HDAC9: variants seen among roughly 807,000 people sequenced by gnomAD.
The protein encoded by HDAC9 is MEF-2 interacting transcription repressor (MITR) protein.
Under a neutral mutation model 139.4 loss-of-function variants are expected in HDAC9, and 41 were observed. The ratio of observed to expected loss-of-function variants is 0.29; its 90% CI spans 0.23 to 0.38. The LOEUF is 0.38. Among genes scored for constraint, HDAC9 ranks in the 10% least tolerant of loss-of-function variants. The pLI is 1.00. For missense variants in HDAC9, 1,147 were observed against 1,297.0 expected (o/e 0.88, Z 1.78); for synonymous variants, 517 against 476.2 (o/e 1.09, Z -1.12).
Position 18,450,592 on chromosome 7 carries a change from C to T in HDAC9, c.-41-45670C>T, listed in dbSNP as rs569428901. On this transcript the variant is annotated intron_variant, in intron 1 of 3. Coordinates refer to the HDAC9 transcript ENST00000413509. ...TTATTGATATTGTTCTTCTCTTAGC[C>T]ACATGTGAACACATTTGATTGAGAC... 2.1e-3 allele frequency among the ~76,000 whole-genome samples: 323 copies of T among 152,230 alleles called. 1 individual carries two copies. The highest frequency in any genetic ancestry group is 3.8e-3 in the Non-Finnish European group (258 of 68,004).
chr7:18,216,573 A>C (rs1372067173), intron 2 of HDAC9, among the ~76,000 whole-genome samples: 1 of 152,170 alleles, frequency 6.6e-6, no homozygotes. Flanking sequence ...AGATGACTGC[A>C]TGTTATTTAG....
intron 11 of HDAC9, among the ~76,000 whole-genome samples, chr7:18,662,376 A>T (rs1793477317): frequency 6.6e-6 from 1 of 152,030 alleles, no homozygotes. Context: ...AACTCAAGAA[A>T]TTTTATTGTG....
At chr7:18,836,278 T>C (rs956376262) in intron 21 of HDAC9, among the ~76,000 whole-genome samples, 1 of 152,212 alleles carries the variant, frequency 6.6e-6, no homozygotes, top group Non-Finnish European at 1.5e-5. Flanking sequence ...TTTTAACATA[T>C]GATGTGGTTT....
intron 2 of HDAC9, among the ~76,000 whole-genome samples, chr7:18,200,077 A>C (rs537154602): frequency 6.6e-6 from 1 of 152,348 alleles, no homozygotes; most frequent in South Asian, 2.1e-4. Context: ...TTCCATTTGT[A>C]ACATTTTGTA....
chr7:18,678,121 G>A (rs1418115223), intron 12 of HDAC9, among the ~76,000 whole-genome samples: 1 of 151,792 alleles, frequency 6.6e-6, no homozygotes, highest in Non-Finnish European at 1.5e-5. Flanking sequence ...ATAAATGTTA[G>A]CAGATTTCTG....
At chr7:18,160,032 G>A (rs1418643826) in intron 1 of HDAC9, among the ~76,000 whole-genome samples, 1 of 152,188 alleles carries the variant, frequency 6.6e-6, no homozygotes, top group South Asian at 2.1e-4. Flanking sequence ...GAGTTGTTGT[G>A]TGTGTTTTTG....
At chr7:18,657,761 A>G (rs979919126) in intron 11 of HDAC9, among the ~76,000 whole-genome samples, 4 of 152,100 alleles carry the variant, frequency 2.6e-5, no homozygotes, top group Non-Finnish European at 5.9e-5. Context: ...AGCAGCCAGA[A>G]TGATCATTTC....
intron 2 of HDAC9, among the ~76,000 whole-genome samples, chr7:18,163,661 C>T (rs796138845): frequency 1.3e-5 from 2 of 152,198 alleles, no homozygotes; most frequent in African/African-American, 2.4e-5. Flanking sequence ...GTTCTGTGAG[C>T]GGCATTGCTT....
intron 22 of HDAC9, among the ~76,000 whole-genome samples, chr7:18,878,350 C>A (rs1799478261): frequency 6.6e-6 from 1 of 152,172 alleles, no homozygotes. Flanking sequence ...ATATGTTTTT[C>A]CTTTGGAATT....
At chr7:18,767,735 G>C (rs1257239137) in intron 16 of HDAC9, among the ~76,000 whole-genome samples, 1 of 152,148 alleles carries the variant, frequency 6.6e-6, no homozygotes. Flanking sequence ...GAAGAAAAAT[G>C]TCTACATTTT....
At chr7:18,540,122 A>T (rs1296951579) in intron 2 of HDAC9, among the ~76,000 whole-genome samples, 1 of 150,372 alleles carries the variant, frequency 6.7e-6, no homozygotes, top group African/African-American at 2.5e-5. Context: ...AAAAAAAAAA[A>T]AATAGCCAGG....
intron 1 of HDAC9, among the ~76,000 whole-genome samples, chr7:18,312,747 A>T (rs1160202115): frequency 6.6e-5 from 10 of 152,102 alleles, no homozygotes; most frequent in Admixed American, 6.6e-4. Flanking sequence ...GTTTTCTTAG[A>T]TGGCTATTTT....
At chr7:18,422,937 A>C (rs1480422385) in intron 1 of HDAC9, among the ~76,000 whole-genome samples, 1 of 152,200 alleles carries the variant, frequency 6.6e-6, no homozygotes, top group African/African-American at 2.4e-5. Flanking sequence ...TCAATCTCAT[A>C]GTCCAAGGTA....
At chr7:18,549,767 A>G (rs555974664) in intron 2 of HDAC9, among the ~76,000 whole-genome samples, 1 of 151,774 alleles carries the variant, frequency 6.6e-6, no homozygotes, top group South Asian at 2.1e-4. Flanking sequence ...TGGTAAAGTC[A>G]TATTTTATGC....
rs1562833436 is a variant in HDAC9, at chr7:18,284,100, G to A, written c.25+121751G>A. Among the ~76,000 whole-genome samples the A allele has an allele frequency of 2.6e-5, 4 of 152,200 alleles. No individual in the cohort carries two copies. The South Asian group carries it at 8.3e-4, about 32-fold the overall frequency. On this transcript the variant is annotated intron_variant, in intron 2 of 12. Coordinates refer to the HDAC9 transcript ENST00000417496. ...ATGTTAACATAAAGAAGTCCAGGAGGCCACCAAATTGTTCCCATTGGCTTT... is the reference window on the plus strand; with the variant it reads ...ATGTTAACATAAAGAAGTCCAGGAGACCACCAAATTGTTCCCATTGGCTTT...
Position 18,998,412 on chromosome 7 carries a change from A to G in HDAC9, c.*2350A>G, listed in dbSNP as rs1001465980. Reference sequence around the variant, plus strand: ...TGACACATTAATGAGTTAATCACACATACTCCCATATGACACCATACCCAA... The same window carrying G: ...TGACACATTAATGAGTTAATCACACGTACTCCCATATGACACCATACCCAA... On this transcript the variant is annotated 3_prime_UTR_variant, in exon 26 of 26. Transcript: ENST00000686413. 2 of 152,212 alleles carry G rather than the reference A, an allele frequency of 1.3e-5. No homozygotes were observed. The highest frequency in any genetic ancestry group is 2.9e-5 in the Non-Finnish European group (2 of 68,036). The allele number at this position is 152,212 out of a possible 1,614,324, so 9.4% of individuals were successfully genotyped here. A position where few individuals can be genotyped will look rare whatever the true frequency, so the allele number is the denominator to read the frequency against.
intron 2 of HDAC9, among the ~76,000 whole-genome samples, chr7:18,207,843 T>G (rs1332929344): frequency 1.3e-5 from 2 of 151,946 alleles, no homozygotes; most frequent in Non-Finnish European, 2.9e-5. Flanking sequence ...GCCTTCTGAG[T>G]AGCTGGGGTT....
intron 2 of HDAC9, among the ~76,000 whole-genome samples, chr7:18,243,491 G>C (rs942974775): frequency 2.0e-5 from 3 of 152,194 alleles, no homozygotes; most frequent in Non-Finnish European, 4.4e-5. Context: ...TGTAGCCTCT[G>C]GACAAATGTC....
At position 18,999,059 on chromosome 7, in the gene HDAC9, T is replaced by G. The variant is rs1786619095; in HGVS notation, c.*2997T>G. On this transcript the variant is annotated 3_prime_UTR_variant, in exon 26 of 26. Coordinates refer to ENST00000686413, the MANE Select transcript of HDAC9 (RefSeq NM_178425.4). The stretch of plus-strand genomic sequence containing the variant: ...AAGAACATTGTGAGATGAACTATCT[T>G]TAAATATTGTAACAAGTTTATAACA... 1 of 152,108 alleles carries G rather than the reference T, an allele frequency of 6.6e-6. No homozygotes were observed. The highest frequency in any genetic ancestry group is 1.5e-5 in the Non-Finnish European group (1 of 68,040). The allele number at this position is 152,108 out of a possible 1,614,324, so 9.4% of individuals were successfully genotyped here.
Sources: allele counts gnomAD v4.1 joint callset (sites outside exome capture counted in the v4.1 genomes callset), GRCh38; gene constraint gnomAD v4.1.1; transcripts MANE v1.5; gene names NCBI Gene and HGNC (gene_info 2026-07-23, HGNC 2026-07-21).